PTPDC1: variants seen among roughly 807,000 people sequenced by gnomAD.
PTPDC1 encodes the protein protein tyrosine phosphatase domain-containing protein 1.
In PTPDC1, 53 loss-of-function variants were observed where a neutral mutation model predicts 75.3. The ratio of observed to expected loss-of-function variants is 0.70; its 90% CI spans 0.56 to 0.88. The LOEUF (loss-of-function observed/expected upper bound fraction) is 0.88. Among genes scored for constraint, PTPDC1 ranks in the 40% least tolerant of loss-of-function variants. The pLI is 0.00. For synonymous variants in PTPDC1, 349 were observed against 366.2 expected, an observed-to-expected ratio of 0.95 and a Z score of 0.54; for missense variants, 925 against 998.6, an observed-to-expected ratio of 0.93 and a Z score of 0.99.
chr9:94,104,487 A>G (rs1827950259), intron 8 of PTPDC1, 102 bp downstream of exon 8: 1 of 683,736 alleles, frequency 1.5e-6, no homozygotes, highest in Non-Finnish European at 2.5e-6. Flanking sequence ...TAAAACATGT[A>G]TGTGTATGTT....
chr9:94,107,204 TCGGCCTCCTAAAGTG>T (rs1828052999), intron 8 of PTPDC1, among the ~76,000 whole-genome samples: 1 of 152,196 alleles, frequency 6.6e-6, no homozygotes, highest in African/African-American at 2.4e-5. Context: ...CTCTCCCACC[TCGGCCTCCTAAAGTG>T]CTGGGATTAC....
At chr9:94,062,116 C>T (rs920556048) in intron 1 of PTPDC1, among the ~76,000 whole-genome samples, 1 of 152,142 alleles carries the variant, frequency 6.6e-6, no homozygotes, top group African/African-American at 2.4e-5. Flanking sequence ...GAATGTTTTG[C>T]TGCTTAGAAA....
At chr9:94,036,619 C>T (rs1223897971) in intron 1 of PTPDC1, among the ~76,000 whole-genome samples, 1 of 152,206 alleles carries the variant, frequency 6.6e-6, no homozygotes, top group Non-Finnish European at 1.5e-5. Flanking sequence ...AGTTCCACCA[C>T]AAGGCCATAA....
rs1213969516 is a variant in PTPDC1, at chr9:94,109,515, T to C, written c.*1571T>C. The C allele has an allele frequency of 6.6e-6, 1 of 152,176 alleles. No individual in the cohort carries two copies. The highest frequency in any genetic ancestry group is 2.4e-5 in the African/African-American group (1 of 41,442). 9.4% of individuals were successfully genotyped at this position (152,176 alleles called of 1,614,324 possible). ...TGGAGTGGGTTGCCCATCCCTGAAA[T>C]GTCTTATTTTCAAGTGCCTGGCCTG... On this transcript the variant is annotated 3_prime_UTR_variant, in exon 9 of 9. Transcript: ENST00000620992.
At chr9:94,057,244 A>G (rs1318019276) in intron 1 of PTPDC1, among the ~76,000 whole-genome samples, 1 of 151,682 alleles carries the variant, frequency 6.6e-6, no homozygotes, top group Non-Finnish European at 1.5e-5. Flanking sequence ...ATGCCTGGCT[A>G]ATTTTTTTTT....
intron 4 of PTPDC1, among the ~76,000 whole-genome samples, chr9:94,092,296 T>C (rs1162364541): frequency 3.5e-5 from 5 of 143,648 alleles, no homozygotes; most frequent in Non-Finnish European, 7.5e-5. Context: ...TTTGTTCTCG[T>C]TGGTTTCAAA....
intron 6 of PTPDC1, 100 bp from the exon 7 acceptor site, chr9:94,101,466 T>C (rs1827837479): frequency 8.1e-6 from 7 of 859,124 alleles, no homozygotes; most frequent in Admixed American, 2.6e-5. Context: ...TCTTTCACTC[T>C]TGTGGGCAGC....
At chr9:94,035,239 C>T (rs1825229006) in intron 1 of PTPDC1, among the ~76,000 whole-genome samples, 1 of 152,166 alleles carries the variant, frequency 6.6e-6, no homozygotes, top group Non-Finnish European at 1.5e-5. Flanking sequence ...ACTATATTCA[C>T]CACACTGTGC....
chr9:94,095,479 G>A (rs754626438), intron 5 of PTPDC1, 25 bp downstream of exon 5: 2 of 1,562,812 alleles, frequency 1.3e-6, no homozygotes, highest in Non-Finnish European at 1.7e-6. Flanking sequence ...GTGGTTTATT[G>A]CCTGTAGGCA....
chr9:94,103,333 C>A (rs1162389906), intron 7 of PTPDC1, among the ~76,000 whole-genome samples: 1 of 152,184 alleles, frequency 6.6e-6, no homozygotes, highest in African/African-American at 2.4e-5. Flanking sequence ...CTGTTTATCT[C>A]AATACCCCTT....
Position 94,097,493 on chromosome 9 carries a change from T to C in PTPDC1, c.927T>C (p.Asp309=), listed in dbSNP as rs769101692. 1 of 1,614,180 alleles carries C rather than the reference T, an allele frequency of 6.2e-7. No homozygotes were observed. The highest frequency in any genetic ancestry group is 1.1e-5 in the South Asian group (1 of 91,090). The stretch of plus-strand genomic sequence containing the variant: ...TCCGCAATATATTCTCTTGCTGTGA[T>C]CCCAAAGCACATGCTGTCACCTTAC... ...TPLRNIFSCC[D]PKAHAVTLPQ... is the part of the protein sequence containing the mutation. Residue 309 remains aspartate, a synonymous_variant, in exon 6 of 9, where the codon GAT becomes GAC. Transcript: ENST00000620992.
At chr9:94,095,050 C>T (rs557913651) in intron 4 of PTPDC1, among the ~76,000 whole-genome samples, 58 of 152,360 alleles carry the variant, frequency 3.8e-4, no homozygotes, top group African/African-American at 1.3e-3. Flanking sequence ...GCGTCGCTCA[C>T]GCTGGGAGCT....
chr9:94,107,517 C>T (rs1286032956), intron 8 of PTPDC1, among the ~76,000 whole-genome samples: 3 of 152,142 alleles, frequency 2.0e-5, no homozygotes, highest in Admixed American at 6.5e-5. Flanking sequence ...TTCTCTTATA[C>T]CATCAATGAT....
At position 94,098,307 on chromosome 9, in the gene PTPDC1, T is replaced by G; in HGVS notation, c.1741T>G (p.Cys581Gly). Residue 581 changes from cysteine to glycine, a missense_variant, in exon 6 of 9, where the codon TGT (cysteine) becomes GGT (glycine). By Grantham distance (159) the Cys-to-Gly change is radical (BLOSUM62 -3). Coordinates refer to ENST00000620992, the MANE Select transcript of PTPDC1 (RefSeq NM_001253829.2). ...PAHQQVSHCQCKTHGVGSPGS... is the reference protein window; with the variant it reads ...PAHQQVSHCQGKTHGVGSPGS... ...TCACCAGCAAGTGTCTCACTGTCAGTGTAAAACTCATGGTGTTGGGAGCCC... is the reference window on the plus strand; with the variant it reads ...TCACCAGCAAGTGTCTCACTGTCAGGGTAAAACTCATGGTGTTGGGAGCCC... The G allele has an allele frequency of 6.2e-7, 1 of 1,614,208 alleles. No homozygotes were observed. The highest frequency in any genetic ancestry group is 8.5e-7 in the Non-Finnish European group (1 of 1,180,038).
chr9:94,070,588 A>G (rs1826479595), intron 2 of PTPDC1, among the ~76,000 whole-genome samples: 1 of 152,240 alleles, frequency 6.6e-6, no homozygotes, highest in Admixed American at 6.5e-5. Context: ...CACAGCCAGG[A>G]TATTGACATT....
intron 1 of PTPDC1, among the ~76,000 whole-genome samples, chr9:94,062,964 C>CATTT (rs1457903613): frequency 1.1e-4 from 16 of 152,166 alleles, no homozygotes; most frequent in Non-Finnish European, 2.2e-4. Flanking sequence ...TCTCTAGAGA[C>CATTT]ATAAAGGTGA....
At chr9:94,048,025 T>C (rs1825668515) in intron 1 of PTPDC1, among the ~76,000 whole-genome samples, 1 of 152,174 alleles carries the variant, frequency 6.6e-6, no homozygotes, top group Admixed American at 6.5e-5. Flanking sequence ...CTGAAACTAT[T>C]CCAATCAATA....
rs1333031146 is a variant in PTPDC1 at position 94,084,750 on chromosome 9, A to G, written c.220A>G (p.Thr74Ala). 5.7e-6 allele frequency: 9 copies of G among 1,580,500 alleles called. No individual in the cohort carries two copies. Among genetic ancestry groups the G allele is most frequent in the South Asian group, 1.2e-5 (1 of 85,890 alleles). Residue 74 changes from threonine (T) to alanine (A), a missense_variant, in exon 1 of 9, where the codon ACT (threonine) becomes GCT (alanine). Transcript: ENST00000620992. ...AGTCAGCCATGCAGAGGGAAACCCA[A>G]CTTTCCCCGAAAGAAAAAGTAAAGG... is the stretch of plus-strand genomic sequence containing the variant. ...SSVSHAEGNP[T>A]FPERKSKGNL...
chr9:94,084,174 A>G (rs1402402983), upstream of PTPDC1, among the ~76,000 whole-genome samples: 1 of 152,220 alleles, frequency 6.6e-6, no homozygotes, highest in African/African-American at 2.4e-5. Context: ...CAGTTTTTGC[A>G]TCAGGAAGAC....
Sources: gnomAD v4.1 joint callset for allele counts (sites outside exome capture counted in the v4.1 genomes callset) on GRCh38, gnomAD v4.1.1 for gene constraint, MANE v1.5 for transcripts, NCBI Gene and HGNC (gene_info 2026-07-23, HGNC 2026-07-21) for gene names.